Variants in GPC6 observed in about 807,000 individuals in gnomAD.
GPC6 encodes the protein glypican-6.
In GPC6, 14 loss-of-function variants were observed where a neutral mutation model predicts 55.2. The ratio of observed to expected loss-of-function variants is 0.25; its 90% confidence interval spans 0.17 to 0.40. The LOEUF (loss-of-function observed/expected upper bound fraction) is 0.40. Among genes scored for constraint, GPC6 ranks in the 10% least tolerant of loss-of-function variants. The probability of loss-of-function intolerance (pLI) is 1.00; values close to 1 mark genes in which losing one functional copy is unlikely to be tolerated. For synonymous variants in GPC6, 278 were observed against 259.6 expected (o/e 1.07, Z -0.68); for missense variants, 641 against 708.5 (o/e 0.90, Z 1.08).
At chr13:94,338,247 A>C (rs1033166695) in intron 6 of GPC6, among the ~76,000 whole-genome samples, 5 of 152,222 alleles carry the variant, frequency 3.3e-5, no homozygotes, top group East Asian at 1.9e-4. Context: ...TAATTACCAG[A>C]GATTCCTAAT....
chr13:94,065,097 AT>A (rs11362946), intron 4 of GPC6, among the ~76,000 whole-genome samples: 6,732 of 148,990 alleles, frequency 0.045, 438 homozygotes, highest in African/African-American at 0.14. Context: ...CTTTATACCC[AT>A]TTTTTTTTTG....
chr13:94,305,907 GC>G (rs2139111332), intron 5 of GPC6, 72 bp from the exon 6 acceptor site: 1 of 1,397,222 alleles, frequency 7.2e-7, no homozygotes, highest in East Asian at 2.3e-5. Flanking sequence ...CCATTGCATT[GC>G]ACATTTCTGC....
At chr13:93,802,255 T>C (rs1030337887) in intron 2 of GPC6, among the ~76,000 whole-genome samples, 1 of 152,170 alleles carries the variant, frequency 6.6e-6, no homozygotes, top group African/African-American at 2.4e-5. Flanking sequence ...ATTCCCTTTC[T>C]CTGTATTTTG....
chr13:93,676,168 T>C (rs71432024), intron 2 of GPC6, among the ~76,000 whole-genome samples: 1,406 of 39,344 alleles, frequency 0.036, 53 homozygotes, highest in African/African-American at 0.072. Context: ...TATATATATA[T>C]ACATACACAC....
intron 2 of GPC6, among the ~76,000 whole-genome samples, chr13:93,806,992 G>C (rs1421451405): frequency 6.6e-6 from 1 of 152,144 alleles, no homozygotes; most frequent in African/African-American, 2.4e-5. Flanking sequence ...TTCATAAACA[G>C]TAAGAGCTTA....
At chr13:94,130,423 GT>G (rs996878239) in intron 4 of GPC6, among the ~76,000 whole-genome samples, 27 of 152,084 alleles carry the variant, frequency 1.8e-4, no homozygotes, top group Non-Finnish European at 3.2e-4. Flanking sequence ...ACAAGAGTAA[GT>G]AAGTGTTAAT....
chr13:93,827,066 A>G (rs894086342), intron 2 of GPC6, among the ~76,000 whole-genome samples: 1 of 152,170 alleles, frequency 6.6e-6, no homozygotes, highest in African/African-American at 2.4e-5. Context: ...ACTTTGATGT[A>G]TATTTTGTGA....
At chr13:94,294,373 G>A (rs1382227703) in intron 5 of GPC6, among the ~76,000 whole-genome samples, 1 of 150,352 alleles carries the variant, frequency 6.7e-6, no homozygotes, top group Non-Finnish European at 1.5e-5. Flanking sequence ...AGATGAGCAG[G>A]ATGGCCTTCA....
chr13:93,994,988 A>G (rs1274017364), intron 3 of GPC6, among the ~76,000 whole-genome samples: 8 of 152,186 alleles, frequency 5.3e-5, no homozygotes, highest in Non-Finnish European at 1.2e-4. Flanking sequence ...CTTTCAGCAG[A>G]AATATCTTCT....
chr13:93,387,140 T>TTG (rs986740548), intron 1 of GPC6, among the ~76,000 whole-genome samples: 83 of 151,628 alleles, frequency 5.5e-4, no homozygotes, highest in Non-Finnish European at 9.7e-4. Flanking sequence ...TTTCTTTTTT[T>TTG]TTTTTCTTTC....
intron 6 of GPC6, among the ~76,000 whole-genome samples, chr13:94,337,032 C>T (rs1877742245): frequency 6.6e-6 from 1 of 152,182 alleles, no homozygotes; most frequent in Admixed American, 6.5e-5. Flanking sequence ...GGAGATACCA[C>T]AAGGAGGAAA....
intron 2 of GPC6, among the ~76,000 whole-genome samples, chr13:93,686,702 A>G (rs1328530495): frequency 1.3e-5 from 2 of 152,164 alleles, no homozygotes; most frequent in Non-Finnish European, 2.9e-5. Flanking sequence ...TATGACTAAA[A>G]ATTGTTTTCA....
chr13:94,004,727 A>T (rs989389465), intron 3 of GPC6, among the ~76,000 whole-genome samples: 16 of 152,120 alleles, frequency 1.1e-4, no homozygotes, highest in African/African-American at 3.9e-4. Flanking sequence ...CAGACTTAAG[A>T]TTTGTTACAA....
intron 3 of GPC6, among the ~76,000 whole-genome samples, chr13:93,991,816 C>G (rs1881320304): frequency 1.3e-5 from 2 of 152,106 alleles, no homozygotes; most frequent in Admixed American, 1.3e-4. Context: ...TAATGGATGT[C>G]TTAGTATGTG....
intron 1 of GPC6, among the ~76,000 whole-genome samples, chr13:93,525,626 A>G (rs1881615971): frequency 6.6e-6 from 1 of 152,236 alleles, no homozygotes; most frequent in Admixed American, 6.6e-5. Flanking sequence ...TGATTTGTTC[A>G]GGAGCCATTC....
intron 3 of GPC6, among the ~76,000 whole-genome samples, chr13:93,858,526 C>T (rs1888700139): frequency 6.6e-6 from 1 of 151,454 alleles, no homozygotes; most frequent in Admixed American, 6.6e-5. Flanking sequence ...CCAAGAACTC[C>T]AGCTTCAGAA....
At chr13:93,889,546 T>G (rs1875542834) in intron 3 of GPC6, among the ~76,000 whole-genome samples, 1 of 151,786 alleles carries the variant, frequency 6.6e-6, no homozygotes, top group Non-Finnish European at 1.5e-5. Context: ...TTAATATGGG[T>G]TTTCCCCCAT....
At chr13:93,728,164 G>T (rs764644493) in intron 2 of GPC6, among the ~76,000 whole-genome samples, 1 of 151,710 alleles carries the variant, frequency 6.6e-6, no homozygotes, top group Non-Finnish European at 1.5e-5. Context: ...TTGCAGACTC[G>T]CTTTCTTCAG....
intron 3 of GPC6, among the ~76,000 whole-genome samples, chr13:93,928,856 TACACACACACACACACACACACACAC>T (rs10642875): frequency 7.0e-6 from 1 of 142,896 alleles, no homozygotes; most frequent in Non-Finnish European, 1.5e-5. Context: ...CCCTGTGTGT[TACACACACACACACACACACACACAC>T]ACACACACAC....
Sources: gnomAD v4.1 joint callset for allele counts (sites outside exome capture counted in the v4.1 genomes callset) on GRCh38, gnomAD v4.1.1 for gene constraint, MANE v1.5 for transcripts, NCBI Gene and HGNC (gene_info 2026-07-23, HGNC 2026-07-21) for gene names.